Variants in CORO2B observed in about 807,000 individuals in gnomAD.
The protein encoded by CORO2B is coronin 2B.
CORO2B carries 26 observed loss-of-function variants against 58.8 expected under a neutral mutation model. That is an observed-to-expected ratio of 0.44 (90% CI 0.32 to 0.61). The LOEUF is 0.61. Ranked by LOEUF, CORO2B falls within the 20% of genes least tolerant of loss-of-function variation. The probability of loss-of-function intolerance (pLI) is 0.04; values close to 1 mark genes in which losing one functional copy is unlikely to be tolerated. For synonymous variants in CORO2B, 242 were observed against 253.8 expected, an observed-to-expected ratio of 0.95 and a Z score of 0.44; for missense variants, 460 against 645.1, an observed-to-expected ratio of 0.71 and a Z score of 3.11.
chr15:68,656,644 C>T (rs904040339), intron 2 of CORO2B, among the ~76,000 whole-genome samples: 1 of 152,212 alleles, frequency 6.6e-6, no homozygotes, highest in South Asian at 2.1e-4. Flanking sequence ...AGAGACTTCC[C>T]GTGAGAGGCT....
intron 1 of CORO2B, among the ~76,000 whole-genome samples, chr15:68,598,914 C>A (rs1404070270): frequency 6.6e-6 from 1 of 152,190 alleles, no homozygotes; most frequent in East Asian, 1.9e-4. Flanking sequence ...GTCCTGGGAA[C>A]AGGCCCAAGC....
rs1899343742 is a variant in CORO2B, at chr15:68,579,042, C to A, written c.-221C>A. 2 of 984,470 alleles carry A rather than the reference C, an allele frequency of 2.0e-6. No individual in the cohort carries two copies. Among genetic ancestry groups the A allele is most frequent in the Non-Finnish European group, 2.4e-6 (2 of 829,734 alleles). 61.0% of individuals were successfully genotyped at this position (984,470 alleles called of 1,614,324 possible). A position where few individuals can be genotyped will look rare whatever the true frequency, so the allele number is the denominator to read the frequency against. Reference sequence around the variant, plus strand: ...GAAGGAGGCTCATCTATTATAAATGCACATTCGGGGCTGACATCAGCGACG... The same window carrying A: ...GAAGGAGGCTCATCTATTATAAATGAACATTCGGGGCTGACATCAGCGACG... On this transcript the variant is annotated 5_prime_UTR_variant, in exon 1 of 12. Transcript: ENST00000261861.
chr15:68,633,514 TACACACACACAC>T (rs147873341), intron 1 of CORO2B, among the ~76,000 whole-genome samples: 8 of 143,998 alleles, frequency 5.6e-5, no homozygotes, highest in African/African-American at 7.8e-5. Context: ...TACTCCAACA[TACACACACACAC>T]ACACACACAC....
chr15:68,694,179 A>G (rs1351711846), intron 2 of CORO2B, among the ~76,000 whole-genome samples: 2 of 152,024 alleles, frequency 1.3e-5, no homozygotes, highest in African/African-American at 4.8e-5. Context: ...CTGTGAGAGC[A>G]CAGAGGAAGA....
At chr15:68,552,426 G>A in the CORO2B span, among the ~76,000 whole-genome samples, 1 of 125,532 alleles carries the variant, frequency 8.0e-6, no homozygotes, top group African/African-American at 3.0e-5. Flanking sequence ...AATCTAGAAA[G>A]GGCATAAAAC....
chr15:68,664,303 T>C (rs1426833430), intron 2 of CORO2B, among the ~76,000 whole-genome samples: 1 of 152,216 alleles, frequency 6.6e-6, no homozygotes, highest in African/African-American at 2.4e-5. Context: ...CAATAATTTA[T>C]ATTTGAACCA....
Position 68,645,112 on chromosome 15 carries a change from C to T in CORO2B, c.16-48C>T, listed in dbSNP as rs1376931813. On this transcript the variant is annotated intron_variant, in intron 1 of 11. Transcript: ENST00000261861. The surrounding 1 kb of genome is among the most constrained non-coding windows in gnomAD (Gnocchi z 4.5). ...CCCCAAGAGCCCAGCCGAGGCCCTT[C>T]ATGGCACAGGGCCCAGCCTGACCCT... The T allele has an allele frequency of 3.1e-6, 5 of 1,588,160 alleles. No individual in the cohort carries two copies. Among genetic ancestry groups the T allele is most frequent in the East Asian group, 2.3e-5 (1 of 44,052 alleles).
At chr15:68,663,824 T>C (rs887112318) in intron 2 of CORO2B, among the ~76,000 whole-genome samples, 2 of 152,242 alleles carry the variant, frequency 1.3e-5, no homozygotes, top group African/African-American at 2.4e-5. Context: ...CAGAGTAGTT[T>C]CAATTAGCAT....
chr15:68,642,083 C>T (rs1317738398), intron 1 of CORO2B, among the ~76,000 whole-genome samples: 1 of 134,416 alleles, frequency 7.4e-6, no homozygotes, highest in Non-Finnish European at 1.5e-5. Context: ...GTTGCCCAAG[C>T]TGGAGTGCAG....
At chr15:68,698,368 A>G (rs1892563650) in intron 3 of CORO2B, among the ~76,000 whole-genome samples, 1 of 152,180 alleles carries the variant, frequency 6.6e-6, no homozygotes, top group Admixed American at 6.5e-5. Context: ...GTTCCTCCTC[A>G]GGTCTCAATT....
chr15:68,590,255 A>G (rs1206381920), intron 1 of CORO2B, among the ~76,000 whole-genome samples: 1 of 152,072 alleles, frequency 6.6e-6, no homozygotes, highest in Non-Finnish European at 1.5e-5. Flanking sequence ...CCCCTCTCCC[A>G]GGACCAGAGT....
chr15:68,687,657 A>C (rs1349692853), intron 2 of CORO2B, among the ~76,000 whole-genome samples: 1 of 152,208 alleles, frequency 6.6e-6, no homozygotes, highest in Non-Finnish European at 1.5e-5. Flanking sequence ...ATTCTGTTTT[A>C]TGTTGCTGGG....
chr15:68,549,951 A>AT, the CORO2B span, among the ~76,000 whole-genome samples: 2,145 of 133,988 alleles, frequency 0.016, 56 homozygotes, highest in African/African-American at 0.057. Flanking sequence ...AAAAAATAAA[A>AT]TAAAATAAAT....
intron 3 of CORO2B, among the ~76,000 whole-genome samples, chr15:68,695,518 T>G (rs1208600366): frequency 6.6e-6 from 1 of 152,136 alleles, no homozygotes; most frequent in African/African-American, 2.4e-5. Context: ...AATTAGAATT[T>G]AAAAATTAAG....
In CORO2B at chr15:68,691,327, C is replaced by CAAAAAAAAAAAAAA. The variant is rs1192260415; in HGVS notation, c.217-3810_217-3797dup. Among the ~76,000 whole-genome samples, 13 of 9,540 alleles carry CAAAAAAAAAAAAAA rather than the reference C, an allele frequency of 1.4e-3. 1 individual carries two copies. Among genetic ancestry groups the CAAAAAAAAAAAAAA allele is most frequent in the East Asian group, 0.031 (1 of 32 alleles). 6.3% of individuals were successfully genotyped at this position (9,540 alleles called of 152,430 possible). ...CCTGGGAGACAGCGAGACTCCGTCT[C>CAAAAAAAAAAAAAA]AAAAAAAAAAAAAAAAGGCCGGGCG... On this transcript the variant is annotated intron_variant, in intron 2 of 11. Coordinates refer to ENST00000261861, the MANE Select transcript of CORO2B (RefSeq NM_006091.5).
chr15:68,674,732 G>A (rs1410968203), intron 2 of CORO2B, among the ~76,000 whole-genome samples: 3 of 152,180 alleles, frequency 2.0e-5, no homozygotes, highest in Non-Finnish European at 2.9e-5. Context: ...AGGCAGGGTT[G>A]GAGTAAGAGT....
chr15:68,551,302 A>C, the CORO2B span, among the ~76,000 whole-genome samples: 3 of 151,918 alleles, frequency 2.0e-5, no homozygotes, highest in African/African-American at 7.3e-5. Context: ...TAACTCTCAA[A>C]GGGCTGGGAA....
the CORO2B span, among the ~76,000 whole-genome samples, chr15:68,547,675 A>G: frequency 2.6e-5 from 4 of 152,158 alleles, no homozygotes; most frequent in Non-Finnish European, 5.9e-5. Flanking sequence ...AAAACACCTC[A>G]GATAAAGTCC....
chr15:68,597,098 A>G (rs1899851724), intron 1 of CORO2B, among the ~76,000 whole-genome samples: 1 of 150,688 alleles, frequency 6.6e-6, no homozygotes, highest in Admixed American at 6.6e-5. Flanking sequence ...TTTTTCCTGC[A>G]GGGAATTGGT....
Sources: allele counts gnomAD v4.1 joint callset (sites outside exome capture counted in the v4.1 genomes callset), GRCh38; gene constraint gnomAD v4.1.1; non-coding constraint Gnocchi (gnomAD v3.1); transcripts MANE v1.5; gene names NCBI Gene and HGNC (gene_info 2026-07-23, HGNC 2026-07-21).